ATP6V1C2: variants seen among roughly 807,000 people sequenced by gnomAD.
The protein encoded by ATP6V1C2 is V-type proton ATPase subunit C 2.
In ATP6V1C2, 45 loss-of-function variants were observed where a neutral mutation model predicts 56.8. The observed-to-expected ratio is 0.79, with a 90% confidence interval of 0.62 to 1.02. The LOEUF is 1.02. Ranked by LOEUF, ATP6V1C2 falls within the 50% of genes least tolerant of loss-of-function variation. The probability of loss-of-function intolerance (pLI) is 0.00; values close to 1 mark genes in which losing one functional copy is unlikely to be tolerated. For synonymous variants in ATP6V1C2, 220 were observed against 201.3 expected (o/e 1.09, Z -0.79); for missense variants, 463 against 519.7 (o/e 0.89, Z 1.06).
At chr2:10,741,825 G>A (rs968591182) in intron 3 of ATP6V1C2, among the ~76,000 whole-genome samples, 3 of 151,946 alleles carry the variant, frequency 2.0e-5, no homozygotes, top group Non-Finnish European at 2.9e-5. Flanking sequence ...CCCTCCCTCC[G>A]ATCCTGCCGT....
intron 3 of ATP6V1C2, among the ~76,000 whole-genome samples, chr2:10,728,234 A>G (rs1661754580): frequency 2.0e-5 from 3 of 152,094 alleles, no homozygotes; most frequent in African/African-American, 2.4e-5. Flanking sequence ...GTCACATGCC[A>G]TCATGCCCAG....
rs373910621 is a variant in ATP6V1C2, at chr2:10,726,491, G to A, written c.130-11G>A. On this transcript the variant is annotated splice_polypyrimidine_tract_variant and intron_variant, in intron 2 of 13. Coordinates refer to ENST00000272238, the MANE Select transcript of ATP6V1C2 (RefSeq NM_001039362.2). Reference sequence around the variant, plus strand: ...ACCTGTGAGCCTCTGACGTTTTTATGATCTGTCTAGGTGGGGACCTTGGAT... The same window carrying A: ...ACCTGTGAGCCTCTGACGTTTTTATAATCTGTCTAGGTGGGGACCTTGGAT... The A allele has an allele frequency of 5.2e-5, 84 of 1,612,898 alleles. No individual in the cohort carries two copies. The highest frequency in any genetic ancestry group is 7.0e-5 in the Non-Finnish European group (82 of 1,179,024).
At chr2:10,777,519 A>G (rs956979005) in intron 10 of ATP6V1C2, 66 bp from the exon 11 acceptor site, 23 of 1,576,206 alleles carry the variant, frequency 1.5e-5, no homozygotes, top group Non-Finnish European at 2.0e-5. Context: ...TCAGGCGATG[A>G]GAATGATTTA....
intron 3 of ATP6V1C2, among the ~76,000 whole-genome samples, chr2:10,736,689 ATT>A (rs1007154369): frequency 7.1e-6 from 1 of 140,334 alleles, no homozygotes; most frequent in Non-Finnish European, 1.6e-5. Flanking sequence ...TGCTTAGTTC[ATT>A]TTTTTTTGTT....
intron 6 of ATP6V1C2, 103 bp downstream of exon 6, chr2:10,768,913 A>G (rs995486951): frequency 7.7e-6 from 7 of 905,586 alleles, no homozygotes; most frequent in Non-Finnish European, 1.2e-5. Flanking sequence ...GTGCCCATGC[A>G]TGAGAGTGAG....
At chr2:10,753,898 C>G (rs1485701311) in intron 3 of ATP6V1C2, 83 bp from the exon 4 acceptor site, 2 of 1,277,316 alleles carry the variant, frequency 1.6e-6, no homozygotes, top group Non-Finnish European at 2.2e-6. Context: ...GTGTCACCAG[C>G]TACTTTTCCT....
At chr2:10,768,889 C>T in intron 6 of ATP6V1C2, 79 bp downstream of exon 6, 1 of 1,152,786 alleles carries the variant, frequency 8.7e-7, no homozygotes, top group South Asian at 1.3e-5. Flanking sequence ...TCTCACTGGG[C>T]CACCTGGGAG....
chr2:10,726,624 G>A, intron 3 of ATP6V1C2, 55 bp downstream of exon 3: 1 of 1,487,150 alleles, frequency 6.7e-7, no homozygotes, highest in Non-Finnish European at 9.4e-7. Context: ...TGTTGTCAGA[G>A]GACACAGTGT....
chr2:10,750,872 T>C (rs115902991), intron 3 of ATP6V1C2, among the ~76,000 whole-genome samples: 5,560 of 152,294 alleles, frequency 0.037, 348 homozygotes, highest in African/African-American at 0.13. Flanking sequence ...GTTTTGTCCA[T>C]GACATTTTAG....
At chr2:10,760,934 G>A (rs921452916) in intron 4 of ATP6V1C2, among the ~76,000 whole-genome samples, 2 of 145,890 alleles carry the variant, frequency 1.4e-5, no homozygotes, top group Non-Finnish European at 2.9e-5. Context: ...CATGGTTGCC[G>A]GCGGGGGTCT....
In ATP6V1C2 at chr2:10,763,234, G is replaced by A. The variant is rs996466168; in HGVS notation, c.284-1097G>A. Among the ~76,000 whole-genome samples the A allele has an allele frequency of 6.6e-6, 1 of 152,036 alleles. No individual in the cohort carries two copies. Among genetic ancestry groups the A allele is most frequent in the African/African-American group, 2.4e-5 (1 of 41,384 alleles). On this transcript the variant is annotated intron_variant, in intron 4 of 13. Transcript: ENST00000272238. This position sits in a 1 kb window ranked among gnomAD's most constrained non-coding sequence, Gnocchi z 4.2. ...TGCCAGCCCTCCTCACCTGACACCC[G>A]GCGCCCTCCATCACCGGCCACACGG...
chr2:10,775,128 G>T, intron 10 of ATP6V1C2, 57 bp downstream of exon 10: 1 of 1,354,130 alleles, frequency 7.4e-7, no homozygotes, highest in Admixed American at 1.7e-5. Context: ...GGGGATAGAA[G>T]AGTCCTCCCA....
intron 10 of ATP6V1C2, 109 bp downstream of exon 10, chr2:10,775,180 C>T (rs1415984148): frequency 1.3e-5 from 11 of 834,488 alleles, no homozygotes; most frequent in Non-Finnish European, 2.2e-5. Flanking sequence ...TCCCCAGGCT[C>T]CTGGGCTCAC....
Position 10,783,352 on chromosome 2 carries a change from C to G in ATP6V1C2, c.*89C>G. The stretch of plus-strand genomic sequence containing the variant: ...GCCAGAGAATGGTTCAAATGTCTTA[C>G]AGAACTAAGATCTTTTTCAGAGAAA... On this transcript the variant is annotated 3_prime_UTR_variant, in exon 14 of 14. Coordinates refer to ENST00000272238, the MANE Select transcript of ATP6V1C2 (RefSeq NM_001039362.2). 3.7e-6 allele frequency: 3 copies of G among 813,464 alleles called. No individual in the cohort carries two copies. The highest frequency in any genetic ancestry group is 3.5e-5 in the South Asian group (2 of 56,788). 50.4% of individuals were successfully genotyped at this position (813,464 alleles called of 1,614,324 possible). A position where few individuals can be genotyped will look rare whatever the true frequency, so the allele number is the denominator to read the frequency against.
chr2:10,760,939 G>C (rs1026220794), intron 4 of ATP6V1C2, among the ~76,000 whole-genome samples: 1 of 152,316 alleles, frequency 6.6e-6, no homozygotes, highest in East Asian at 1.9e-4. Context: ...TTGCCGGCGG[G>C]GGTCTGTCAG....
At chr2:10,782,073 T>G (rs1168301394) in intron 12 of ATP6V1C2, among the ~76,000 whole-genome samples, 170 bp from the exon 13 acceptor site, 1 of 151,560 alleles carries the variant, frequency 6.6e-6, no homozygotes, top group Non-Finnish European at 1.5e-5. Flanking sequence ...TCTAGAGCTT[T>G]TTCTATCCAG....
intron 1 of ATP6V1C2, among the ~76,000 whole-genome samples, chr2:10,722,396 G>A (rs1485514118): frequency 6.6e-6 from 1 of 152,098 alleles, no homozygotes; most frequent in Non-Finnish European, 1.5e-5. Flanking sequence ...GTTTGACCTG[G>A]TAGCCTGTTG....
At chr2:10,749,024 G>A (rs899925707) in intron 3 of ATP6V1C2, among the ~76,000 whole-genome samples, 1 of 151,312 alleles carries the variant, frequency 6.6e-6, no homozygotes, top group African/African-American at 2.4e-5. Flanking sequence ...CAGCTACCAG[G>A]GAAGCTGAGG....
intron 3 of ATP6V1C2, among the ~76,000 whole-genome samples, chr2:10,750,554 T>A (rs1663151970): frequency 2.0e-5 from 3 of 151,484 alleles, no homozygotes; most frequent in African/African-American, 7.3e-5. Context: ...AACAAAACCT[T>A]CACAGAGGCT....
Sources: gnomAD v4.1 joint callset for allele counts (sites outside exome capture counted in the v4.1 genomes callset) on GRCh38, gnomAD v4.1.1 for gene constraint, Gnocchi (gnomAD v3.1) non-coding constraint, MANE v1.5 for transcripts, NCBI Gene and HGNC (gene_info 2026-07-23, HGNC 2026-07-21) for gene names.